The following AGBL4 variants were observed in gnomAD, a reference collection of about 807,000 sequenced individuals.
AGBL4 encodes AGBL carboxypeptidase 4.
In AGBL4, 58 loss-of-function variants were observed where a neutral mutation model predicts 66.4. The ratio of observed to expected loss-of-function variants is 0.87; its 90% confidence interval spans 0.71 to 1.09. The LOEUF is 1.09. Among genes scored for constraint, AGBL4 ranks in the 50% least tolerant of loss-of-function variants. The probability of loss-of-function intolerance (pLI) is 0.00; values close to 1 mark genes in which losing one functional copy is unlikely to be tolerated. For missense variants in AGBL4, 579 were observed against 631.0 expected (o/e 0.92, Z 0.88); for synonymous variants, 234 against 222.9 (o/e 1.05, Z -0.44).
At chr1:49,803,091 T>C in intron 2 of AGBL4, among the ~76,000 whole-genome samples, 1 of 150,782 alleles carries the variant, frequency 6.6e-6, no homozygotes, top group Non-Finnish European at 1.5e-5. Flanking sequence ...TATGAAGTTA[T>C]ATCTAAATTT....
intron 3 of AGBL4, among the ~76,000 whole-genome samples, chr1:49,486,150 T>A (rs916025602): frequency 6.6e-6 from 1 of 151,980 alleles, no homozygotes; most frequent in African/African-American, 2.4e-5. Context: ...AGAGTCTGTC[T>A]ATGCACTCAG....
chr1:48,717,928 G>A (rs1349757072), intron 6 of AGBL4, among the ~76,000 whole-genome samples: 1 of 152,170 alleles, frequency 6.6e-6, no homozygotes, highest in Non-Finnish European at 1.5e-5. Flanking sequence ...CTCTTGATAT[G>A]ATTAAATGTA....
At chr1:48,875,348 C>T (rs556795793) in intron 5 of AGBL4, among the ~76,000 whole-genome samples, 1 of 152,238 alleles carries the variant, frequency 6.6e-6, no homozygotes, top group East Asian at 1.9e-4. Context: ...GAGGCTCACC[C>T]TCCCTTTCCA....
intron 3 of AGBL4, among the ~76,000 whole-genome samples, chr1:49,564,382 C>A (rs1003081584): frequency 4.6e-5 from 7 of 152,096 alleles, no homozygotes; most frequent in African/African-American, 1.7e-4. Flanking sequence ...TTCTCTAGTT[C>A]TTTTAATTGT....
intron 4 of AGBL4, among the ~76,000 whole-genome samples, chr1:49,099,346 C>G (rs1466787489): frequency 2.6e-5 from 4 of 152,130 alleles, no homozygotes; most frequent in Non-Finnish European, 5.9e-5. Flanking sequence ...CACATTATAA[C>G]CTCTTGAGGC....
At chr1:49,994,080 T>C (rs1171547637) in intron 1 of AGBL4, among the ~76,000 whole-genome samples, 3 of 152,182 alleles carry the variant, frequency 2.0e-5, no homozygotes, top group African/African-American at 7.2e-5. Context: ...TGGTTTTGAA[T>C]TATTATTCAA....
chr1:49,096,261 C>A (rs1446198342), intron 4 of AGBL4, among the ~76,000 whole-genome samples: 3 of 152,056 alleles, frequency 2.0e-5, no homozygotes, highest in Admixed American at 1.3e-4. Context: ...CTAGTTCAAC[C>A]ATTGTGGAAG....
At chr1:48,777,645 T>G (rs560752220) in intron 6 of AGBL4, among the ~76,000 whole-genome samples, 1 of 152,268 alleles carries the variant, frequency 6.6e-6, no homozygotes, top group African/African-American at 2.4e-5. Flanking sequence ...TTGTGCCAGC[T>G]GGCTGGGGAG....
At chr1:49,732,244 A>G (rs1649513119) in intron 2 of AGBL4, among the ~76,000 whole-genome samples, 3 of 152,192 alleles carry the variant, frequency 2.0e-5, no homozygotes, top group Admixed American at 1.3e-4. Context: ...GAGAGACCCA[A>G]GTTATTTCAA....
chr1:48,821,092 G>T (rs1429540360), intron 6 of AGBL4, among the ~76,000 whole-genome samples: 2 of 152,114 alleles, frequency 1.3e-5, no homozygotes, highest in Non-Finnish European at 2.9e-5. Context: ...TCATTAAAAA[G>T]CAAAACAACA....
At chr1:49,296,723 T>C (rs1644650517) in intron 3 of AGBL4, among the ~76,000 whole-genome samples, 1 of 152,180 alleles carries the variant, frequency 6.6e-6, no homozygotes, top group Non-Finnish European at 1.5e-5. Context: ...TTCTTTGGGT[T>C]TATCAACATG....
At chr1:49,865,326 A>G (rs1014685039) in intron 1 of AGBL4, among the ~76,000 whole-genome samples, 35 of 152,098 alleles carry the variant, frequency 2.3e-4, no homozygotes, top group African/African-American at 8.2e-4. Context: ...GTTGCCAGAC[A>G]CTTTATACAG....
intron 1 of AGBL4, among the ~76,000 whole-genome samples, chr1:49,871,943 G>A (rs1646847863): frequency 6.6e-6 from 1 of 152,002 alleles, no homozygotes; most frequent in African/African-American, 2.4e-5. Flanking sequence ...TTAAATACAG[G>A]TTTCTGATAA....
chr1:49,091,452 C>G (rs654350), intron 4 of AGBL4, among the ~76,000 whole-genome samples: 104,349 of 151,906 alleles, frequency 0.69, 36,362 homozygotes, highest in Middle Eastern at 0.77. Context: ...CTGAACATCA[C>G]TAATCATTAG....
chr1:49,647,505 A>C (rs1421798899), intron 3 of AGBL4, among the ~76,000 whole-genome samples: 1 of 152,106 alleles, frequency 6.6e-6, no homozygotes, highest in East Asian at 1.9e-4. Context: ...TAAAAATTAC[A>C]GGGGGACTCA....
intron 11 of AGBL4, among the ~76,000 whole-genome samples, chr1:48,578,325 C>T (rs1284883424): frequency 2.0e-5 from 3 of 152,030 alleles, no homozygotes; most frequent in Non-Finnish European, 2.9e-5. Context: ...ATTCATTCAG[C>T]CAGATAGTCA....
intron 2 of AGBL4, among the ~76,000 whole-genome samples, chr1:49,714,040 A>G (rs1647883782): frequency 6.6e-6 from 1 of 152,044 alleles, no homozygotes; most frequent in Non-Finnish European, 1.5e-5. Flanking sequence ...AACTTAATAT[A>G]TTTAAATATC....
chr1:49,208,075 T>C (rs1570072008), intron 4 of AGBL4, among the ~76,000 whole-genome samples: 1 of 152,098 alleles, frequency 6.6e-6, no homozygotes, highest in African/African-American at 2.4e-5. Context: ...ATATGTATTA[T>C]ATATACATTT....
chr1:49,539,631 G>T (rs1035018287), intron 3 of AGBL4, among the ~76,000 whole-genome samples: 1 of 152,094 alleles, frequency 6.6e-6, no homozygotes, highest in Non-Finnish European at 1.5e-5. Context: ...ACCCTCACTG[G>T]CATAATCCTA....
Sources: allele counts gnomAD v4.1 joint callset (sites outside exome capture counted in the v4.1 genomes callset), GRCh38; gene constraint gnomAD v4.1.1; transcripts MANE v1.5; gene names NCBI Gene and HGNC (gene_info 2026-07-23, HGNC 2026-07-21).